XIRP2: variants seen among roughly 807,000 people sequenced by gnomAD.
XIRP2 encodes the protein xin actin-binding repeat-containing protein 2.
XIRP2 carries 236 observed loss-of-function variants against 277.0 expected under a neutral mutation model. That is an observed-to-expected ratio of 0.85 (90% CI 0.77 to 0.95). XIRP2 has a LOEUF of 0.95. Among genes scored for constraint, XIRP2 ranks in the 40% least tolerant of loss-of-function variants. The pLI, the probability that XIRP2 is intolerant of heterozygous loss-of-function variation, is 0.00. For missense variants in XIRP2, 4,640 were observed against 4,157.5 expected, an observed-to-expected ratio of 1.12 and a Z score of -3.19; for synonymous variants, 1,490 against 1,416.5, an observed-to-expected ratio of 1.05 and a Z score of -1.17.
intron 3 of XIRP2, among the ~76,000 whole-genome samples, chr2:167,174,580 G>A (rs983860786): frequency 1.3e-5 from 2 of 152,056 alleles, no homozygotes; most frequent in African/African-American, 4.8e-5. Flanking sequence ...TGGATTCATT[G>A]ATTTTTGAAG....
rs1044394195 is a variant in XIRP2, at chr2:167,042,516, TGAAAC to T, written c.409-93389_409-93385del. Among the ~76,000 whole-genome samples the T allele has an allele frequency of 2.0e-5, 3 of 151,816 alleles. No homozygotes were observed. The East Asian group carries it at 5.8e-4, about 29-fold the overall frequency. On this transcript the variant is annotated intron_variant, in intron 2 of 10. Transcript: ENST00000409195. ...AAAGATCTATCAAGAAAATAGAAAA[TGAAAC>T]GAACGAACAAACAAAAAAATGAACA...
At chr2:167,136,172 T>C in intron 3 of XIRP2, 110 bp downstream of exon 3, 3 of 1,098,922 alleles carry the variant, frequency 2.7e-6, no homozygotes, top group Non-Finnish European at 3.6e-6. Context: ...AGGAAAATAA[T>C]GACTGCATAT....
intron 2 of XIRP2, among the ~76,000 whole-genome samples, chr2:166,986,000 C>A (rs1370914051): frequency 2.0e-5 from 3 of 152,138 alleles, no homozygotes; most frequent in Admixed American, 2.0e-4. Flanking sequence ...AAGCTATAAC[C>A]CATATTTCCT....
Position 167,026,933 on chromosome 2 carries a change from A to C in XIRP2, c.409-108976A>C, listed in dbSNP as rs150827698. On this transcript the variant is annotated intron_variant, in intron 2 of 10. Transcript: ENST00000409195. The stretch of plus-strand genomic sequence containing the variant: ...CCCGACCTTCTCTCTGGCTGCCCTT[A>C]ACATTTTTTCCTTCATTTCAACTTT... Among the ~76,000 whole-genome samples, 605 of 152,108 alleles carry C rather than the reference A, an allele frequency of 4.0e-3. 5 individuals carry two copies. Among genetic ancestry groups the C allele is most frequent in the African/African-American group, 0.014 (574 of 41,508 alleles).
chr2:167,172,647 T>G (rs1692730367), intron 3 of XIRP2, among the ~76,000 whole-genome samples: 1 of 150,110 alleles, frequency 6.7e-6, no homozygotes, highest in South Asian at 2.2e-4. Context: ...TATTTGCTTT[T>G]GAAAGAAGAG....
chr2:167,010,502 G>T (rs529015066), intron 2 of XIRP2, among the ~76,000 whole-genome samples: 1 of 151,950 alleles, frequency 6.6e-6, no homozygotes, highest in Non-Finnish European at 1.5e-5. Context: ...GTCAGGTAGC[G>T]TGATGCCTCC....
chr2:167,218,043 T>C lies in XIRP2; in HGVS notation c.724-123T>C, dbSNP rs180769474. 198 of 712,984 alleles carry C rather than the reference T, an allele frequency of 2.8e-4. 1 individual carries two copies. In the African/African-American group the frequency reaches 2.9e-3, roughly 10 times the overall value. 44.2% of individuals were successfully genotyped at this position (712,984 alleles called of 1,614,324 possible). A position where few individuals can be genotyped will look rare whatever the true frequency, so the allele number is the denominator to read the frequency against. On this transcript the variant is annotated intron_variant, in intron 4 of 10. Transcript: ENST00000409195. ...TGTTAAAGACATACTGAAATAATGG[T>C]GTATGTGAATATCTTTTTAAGATAC...
Position 167,105,919 on chromosome 2 carries a change from C to A in XIRP2, c.409-29990C>A, listed in dbSNP as rs59670643. On this transcript the variant is annotated intron_variant, in intron 2 of 10. Transcript: ENST00000409195. ...CCTCATAGCTAATGACGTTGAACATCTTTTCATGTAGTCATTACCATCTGT... is the reference window on the plus strand; with the variant it reads ...CCTCATAGCTAATGACGTTGAACATATTTTCATGTAGTCATTACCATCTGT... Among the ~76,000 whole-genome samples the A allele has an allele frequency of 5.2e-3, 786 of 151,736 alleles. 12 individuals carry two copies. The highest frequency in any genetic ancestry group is 0.017 in the African/African-American group (716 of 41,478).
At chr2:167,252,563 A>G (rs1441618410) in intron 9 of XIRP2, among the ~76,000 whole-genome samples, 1 of 151,980 alleles carries the variant, frequency 6.6e-6, no homozygotes, top group Non-Finnish European at 1.5e-5. Context: ...AAATAAACTA[A>G]ATCACTGCTC....
intron 2 of XIRP2, among the ~76,000 whole-genome samples, chr2:167,040,081 T>C (rs1574195528): frequency 6.6e-6 from 1 of 152,248 alleles, no homozygotes; most frequent in South Asian, 2.1e-4. Flanking sequence ...GAGATTATCA[T>C]GATTCTTTCA....
intron 2 of XIRP2, among the ~76,000 whole-genome samples, chr2:166,939,040 T>C (rs1685612830): frequency 6.6e-6 from 1 of 152,212 alleles, no homozygotes. Flanking sequence ...CTTGACTCTT[T>C]ATCCAATTTG....
chr2:167,039,914 A>T (rs762089996), intron 2 of XIRP2, among the ~76,000 whole-genome samples: 1 of 152,174 alleles, frequency 6.6e-6, no homozygotes, highest in Admixed American at 6.5e-5. Context: ...TTAGAAACTA[A>T]TGAGCCAAAA....
chr2:167,013,094 A>T (rs1323053226), intron 2 of XIRP2, among the ~76,000 whole-genome samples: 2 of 151,322 alleles, frequency 1.3e-5, no homozygotes, highest in East Asian at 3.9e-4. Context: ...TGTGTACCCA[A>T]ACTATATCGT....
intron 8 of XIRP2, 51 bp from the exon 9 acceptor site, chr2:167,242,518 C>T (rs1400843633): frequency 3.4e-5 from 52 of 1,540,796 alleles, no homozygotes; most frequent in African/African-American, 5.5e-5. Flanking sequence ...GCCTAGGAAG[C>T]CTCTGCCACT....
chr2:167,053,743 C>T (rs964833008), intron 2 of XIRP2, among the ~76,000 whole-genome samples: 3 of 152,128 alleles, frequency 2.0e-5, no homozygotes, highest in Non-Finnish European at 2.9e-5. Flanking sequence ...GATCATTAAA[C>T]ATTTAATTTG....
intron 2 of XIRP2, among the ~76,000 whole-genome samples, chr2:167,121,131 T>G (rs908835556): frequency 6.6e-6 from 1 of 152,156 alleles, no homozygotes; most frequent in Non-Finnish European, 1.5e-5. Context: ...AGGTCTGATA[T>G]CTTCCAACCA....
Position 167,248,720 on chromosome 2 carries a change from A to G in XIRP2, c.7328A>G (p.Lys2443Arg), listed in dbSNP as rs763738535. 1.4e-5 allele frequency: 23 copies of G among 1,613,746 alleles called. No homozygotes were observed. Among genetic ancestry groups the G allele is most frequent in the East Asian group, 4.5e-5 (2 of 44,840 alleles). The change falls in exon 9 of 11, where the codon AAA (lysine) becomes AGA (arginine). Residue 2443 changes from lysine (K) to arginine (R), a missense_variant. Lys to Arg is a conservative substitution (Grantham distance 26, BLOSUM62 2). Transcript: ENST00000409195. ...GATAATAAGAACGATTTTTCCCCCA[A>G]AGTTGAACTGGCAACCTCCCTGTCA... ...IKDNKNDFSP[K>R]VELATSLSDM...
At chr2:167,085,563 A>T (rs1689911899) in intron 2 of XIRP2, among the ~76,000 whole-genome samples, 1 of 152,044 alleles carries the variant, frequency 6.6e-6, no homozygotes, top group Non-Finnish European at 1.5e-5. Flanking sequence ...TCCCATTATT[A>T]ATATGTGTGA....
chr2:166,930,481 T>TC (rs1685304992), intron 2 of XIRP2, among the ~76,000 whole-genome samples: 1 of 152,180 alleles, frequency 6.6e-6, no homozygotes, highest in Non-Finnish European at 1.5e-5. Context: ...AACATATATT[T>TC]CAATAGACTC....
Sources: allele counts gnomAD v4.1 joint callset (sites outside exome capture counted in the v4.1 genomes callset), GRCh38; gene constraint gnomAD v4.1.1; transcripts MANE v1.5; gene names NCBI Gene and HGNC (gene_info 2026-07-23, HGNC 2026-07-21).